DNAH3: variants seen among roughly 807,000 people sequenced by gnomAD.
DNAH3 encodes the protein dynein axonemal heavy chain 3.
In DNAH3, 332 loss-of-function variants were observed where a neutral mutation model predicts 432.5. The ratio of observed to expected loss-of-function variants is 0.77; its 90% confidence interval spans 0.70 to 0.84. The LOEUF is 0.84. Ranked by LOEUF, DNAH3 falls within the 40% of genes least tolerant of loss-of-function variation. The pLI, the probability that DNAH3 is intolerant of heterozygous loss-of-function variation, is 0.00. For missense variants in DNAH3, 4,861 were observed against 5,114.0 expected (o/e 0.95, Z 1.51); for synonymous variants, 1,956 against 1,900.2 (o/e 1.03, Z -0.76).
intron 38 of DNAH3, among the ~76,000 whole-genome samples, chr16:21,025,721 T>G (rs1246468036): frequency 6.6e-6 from 1 of 151,640 alleles, no homozygotes; most frequent in Non-Finnish European, 1.5e-5. Flanking sequence ...AATTCACTCT[T>G]TTGTTGTTGT....
intron 35 of DNAH3, 72 bp from the exon 36 acceptor site, chr16:21,034,157 CAATGAGG>C (rs1161698690): frequency 9.8e-7 from 1 of 1,016,620 alleles, no homozygotes; most frequent in East Asian, 2.5e-5. Flanking sequence ...AGTCAGAAGT[CAATGAGG>C]AATGAGGGGT....
At chr16:21,084,566 C>T (rs955217596) in intron 19 of DNAH3, among the ~76,000 whole-genome samples, 4 of 152,286 alleles carry the variant, frequency 2.6e-5, no homozygotes, top group Admixed American at 6.5e-5. Context: ...AAGCGATCCA[C>T]TTGCCTCGGC....
At chr16:21,049,816 A>G in intron 30 of DNAH3, 94 bp downstream of exon 30, 1 of 1,350,232 alleles carries the variant, frequency 7.4e-7, no homozygotes, top group Admixed American at 1.7e-5. Context: ...CTGCCTGTTA[A>G]TGCTAAACCA....
chr16:21,106,215 T>G (rs2091942890), intron 15 of DNAH3, among the ~76,000 whole-genome samples: 1 of 148,726 alleles, frequency 6.7e-6, no homozygotes, highest in Non-Finnish European at 1.5e-5. Context: ...GGAGGTCAAG[T>G]GTCTATCTAT....
chr16:20,971,382 G>A (rs1186997871), intron 51 of DNAH3, among the ~76,000 whole-genome samples: 1 of 152,154 alleles, frequency 6.6e-6, no homozygotes, highest in African/African-American at 2.4e-5. Flanking sequence ...ATTTCTGGGA[G>A]TGTGAGGAGA....
At chr16:20,963,675 C>T (rs2084922995) in exon 53 of DNAH3, 1 of 1,613,924 alleles carries the variant, frequency 6.2e-7, no homozygotes, top group African/African-American at 1.3e-5. Flanking sequence ...AGGGGTTATC[C>T]AGTGCGATGC....
At chr16:20,970,135 T>C in intron 51 of DNAH3, 145 bp from the exon 52 acceptor site, 1 of 765,818 alleles carries the variant, frequency 1.3e-6, no homozygotes. Flanking sequence ...CCGCTGGAGC[T>C]GGACAATGGC....
rs2089259365 is a variant in DNAH3, at chr16:21,038,033, C to G, written c.4731-53G>C. On this transcript the variant is annotated intron_variant, in intron 33 of 61. Coordinates refer to ENST00000261383, the Ensembl canonical transcript of DNAH3. ...CACCCAGAGAGGACTACGTCCTGCC[C>G]AGCAGACATTCCCAATATCCTTGTC... 3 of 1,511,958 alleles carry G rather than the reference C, an allele frequency of 2.0e-6. No homozygotes were observed. In the African/African-American group the frequency reaches 4.1e-5, roughly 21 times the overall value. 93.7% of individuals were successfully genotyped at this position (1,511,958 alleles called of 1,614,324 possible). A position where few individuals can be genotyped will look rare whatever the true frequency, so the allele number is the denominator to read the frequency against.
At chr16:21,024,465 G>A in intron 39 of DNAH3, 131 bp downstream of exon 39, 1 of 621,726 alleles carries the variant, frequency 1.6e-6, no homozygotes, top group Non-Finnish European at 2.7e-6. Flanking sequence ...CAAGATAACT[G>A]GGGACAACAA....
chr16:21,060,918 G>T (rs2090336564), intron 25 of DNAH3, among the ~76,000 whole-genome samples: 1 of 149,106 alleles, frequency 6.7e-6, no homozygotes, highest in East Asian at 2.0e-4. Context: ...GCTCACTGCA[G>T]CCTTGAACTC....
At chr16:20,997,591 G>T in intron 43 of DNAH3, 129 bp from the exon 44 acceptor site, 1 of 1,107,704 alleles carries the variant, frequency 9.0e-7, no homozygotes, top group Non-Finnish European at 1.3e-6. Context: ...TCCAGTTAGG[G>T]CTTAGTCAAT....
At chr16:20,964,152 C>A (rs763607926) in exon 53 of DNAH3, 2 of 1,614,048 alleles carry the variant, frequency 1.2e-6, no homozygotes, top group African/African-American at 2.7e-5. Flanking sequence ...TGGAGAGAAC[C>A]TCCAAGATCT....
chr16:20,972,815 A>G (rs1401970425), intron 51 of DNAH3, among the ~76,000 whole-genome samples: 3 of 132,846 alleles, frequency 2.3e-5, no homozygotes, highest in African/African-American at 9.0e-5. Flanking sequence ...TGCAACCTCT[A>G]CCTCCCAGGT....
chr16:20,976,830 AG>A (rs2152651254), intron 50 of DNAH3, among the ~76,000 whole-genome samples: 1 of 152,306 alleles, frequency 6.6e-6, no homozygotes, highest in East Asian at 1.9e-4. Flanking sequence ...CCAGGGAAAG[AG>A]CCCCCACCAG....
chr16:21,038,710 C>T (rs1194479150), intron 33 of DNAH3, among the ~76,000 whole-genome samples: 3 of 152,132 alleles, frequency 2.0e-5, no homozygotes, highest in Non-Finnish European at 2.9e-5. Flanking sequence ...TTCACCAGCA[C>T]CCAGCACAGG....
At position 21,066,983 on chromosome 16, in the gene DNAH3, G is replaced by A. The variant is rs567487192; in HGVS notation, c.3518+300C>T. Among the ~76,000 whole-genome samples the A allele has an allele frequency of 3.9e-5, 6 of 152,260 alleles. 1 individual carries two copies. The South Asian group carries it at 1.0e-3, about 26-fold the overall frequency. ...GTAGAAAAGCTGGGATGCCAAAGGA[G>A]GTCTAATTAACTCCAAAATCCAGGC... On this transcript the variant is annotated intron_variant, in intron 24 of 61. Transcript: ENST00000261383.
At chr16:21,045,068 C>T (rs980285094) in intron 31 of DNAH3, among the ~76,000 whole-genome samples, 56 of 152,092 alleles carry the variant, frequency 3.7e-4, no homozygotes, top group Non-Finnish European at 7.2e-4. Context: ...CTGCTGGATT[C>T]GGTTTGCCAG....
At chr16:21,006,083 C>T (rs1477040960) in intron 41 of DNAH3, among the ~76,000 whole-genome samples, 1 of 152,074 alleles carries the variant, frequency 6.6e-6, no homozygotes, top group African/African-American at 2.4e-5. Flanking sequence ...AAGGAACTAG[C>T]ATTATTTGGT....
At chr16:20,964,803 T>C in exon 53 of DNAH3, 1 of 1,614,126 alleles carries the variant, frequency 6.2e-7, no homozygotes, top group Non-Finnish European at 8.5e-7. Flanking sequence ...TGTCCTTACA[T>C]TCAGCCAACC....
Sources: gnomAD v4.1 joint callset for allele counts (sites outside exome capture counted in the v4.1 genomes callset) on GRCh38, gnomAD v4.1.1 for gene constraint, MANE v1.5 for transcripts, NCBI Gene and HGNC (gene_info 2026-07-23, HGNC 2026-07-21) for gene names.